The following RPTOR variants were observed in gnomAD, a reference collection of about 807,000 sequenced individuals.
RPTOR encodes regulatory-associated protein of mTOR.
Under a neutral mutation model 169.9 loss-of-function variants are expected in RPTOR, and 21 were observed. The ratio of observed to expected loss-of-function variants is 0.12; its 90% CI spans 0.09 to 0.18. RPTOR has a LOEUF of 0.18. Among genes scored for constraint, RPTOR ranks in the 10% least tolerant of loss-of-function variants. RPTOR has a pLI of 1.00. For synonymous variants in RPTOR, 732 were observed against 753.2 expected (o/e 0.97, Z 0.46); for missense variants, 1,133 against 1,855.9 (o/e 0.61, Z 7.16).
intron 24 of RPTOR, among the ~76,000 whole-genome samples, chr17:80,930,208 CCAGCTCATCCT>C (rs1567993366): frequency 9.3e-5 from 3 of 32,358 alleles, no homozygotes; most frequent in Admixed American, 3.0e-4. Context: ...CAGCTCATCC[CCAGCTCATCCT>C]CAGCTCATCC....
At chr17:80,654,339 C>T (rs1041888057) in intron 3 of RPTOR, among the ~76,000 whole-genome samples, 1 of 152,156 alleles carries the variant, frequency 6.6e-6, no homozygotes, top group African/African-American at 2.4e-5. Flanking sequence ...CAGGTGAGGG[C>T]TGCACGGGCT....
intron 1 of RPTOR, among the ~76,000 whole-genome samples, chr17:80,613,906 G>A (rs922237731): frequency 6.6e-6 from 1 of 152,244 alleles, no homozygotes; most frequent in African/African-American, 2.4e-5. Flanking sequence ...AGCGTCTATC[G>A]CAGCATCATC....
At chr17:80,755,169 G>T (rs2066667893) in intron 6 of RPTOR, among the ~76,000 whole-genome samples, 1 of 152,200 alleles carries the variant, frequency 6.6e-6, no homozygotes, top group Non-Finnish European at 1.5e-5. Flanking sequence ...CAGGGCTGGG[G>T]GTTCATGATG....
At chr17:80,759,679 GT>G (rs563849260) in intron 6 of RPTOR, among the ~76,000 whole-genome samples, 161 of 145,534 alleles carry the variant, frequency 1.1e-3, no homozygotes, top group African/African-American at 1.7e-3. Context: ...AACCACCAGG[GT>G]TTTTTTTTTT....
intron 6 of RPTOR, among the ~76,000 whole-genome samples, chr17:80,779,482 G>A (rs1008451668): frequency 2.6e-5 from 4 of 152,208 alleles, no homozygotes; most frequent in Admixed American, 1.3e-4. Flanking sequence ...CCGTGCCTAC[G>A]TGCACTGACG....
intron 1 of RPTOR, among the ~76,000 whole-genome samples, chr17:80,612,258 T>C (rs1008910940): frequency 6.6e-6 from 1 of 152,198 alleles, no homozygotes; most frequent in Non-Finnish European, 1.5e-5. Flanking sequence ...CCCTCCCACG[T>C]AGCTGGGACT....
chr17:80,634,380 G>C (rs1285974133), intron 2 of RPTOR, among the ~76,000 whole-genome samples: 20 of 140,966 alleles, frequency 1.4e-4, no homozygotes, highest in African/African-American at 5.2e-4. Context: ...CTGTGTGTGT[G>C]CATACTGTGT....
chr17:80,787,162 T>G (rs147437602), intron 6 of RPTOR, among the ~76,000 whole-genome samples: 4 of 152,368 alleles, frequency 2.6e-5, no homozygotes, highest in African/African-American at 9.6e-5. Context: ...GTGTATTCAT[T>G]AAGACCATTA....
chr17:80,681,662 G>GTTGAATTTCA (rs1567854330), intron 3 of RPTOR, among the ~76,000 whole-genome samples: 19 of 85,152 alleles, frequency 2.2e-4, no homozygotes, highest in African/African-American at 3.7e-4. Flanking sequence ...CCTTCATGAG[G>GTTGAATTTCA]TGTACGTCTC....
intron 23 of RPTOR, chr17:80,924,313 G>T (rs916194238): frequency 6.6e-6 from 1 of 152,268 alleles, no homozygotes; most frequent in Non-Finnish European, 1.5e-5. Flanking sequence ...GCTCAAGAAG[G>T]TGGTTCAGGG....
chr17:80,911,123 G>A (rs959716417), intron 21 of RPTOR, among the ~76,000 whole-genome samples: 13 of 152,174 alleles, frequency 8.5e-5, no homozygotes, highest in Non-Finnish European at 1.6e-4. Flanking sequence ...GAGCCACTGC[G>A]CCTGGCCTGT....
At chr17:80,575,211 C>T (rs879344155) in intron 1 of RPTOR, among the ~76,000 whole-genome samples, 3 of 151,866 alleles carry the variant, frequency 2.0e-5, no homozygotes, top group South Asian at 2.1e-4. Context: ...CCCTGTGTTA[C>T]CCAGGCTGGT....
chr17:80,713,999 C>T (rs987463183), intron 4 of RPTOR, among the ~76,000 whole-genome samples: 3 of 151,860 alleles, frequency 2.0e-5, no homozygotes, highest in Non-Finnish European at 2.9e-5. Flanking sequence ...AGTGCAGTGG[C>T]GTGATCTCGG....
intron 3 of RPTOR, among the ~76,000 whole-genome samples, chr17:80,703,735 C>G (rs1008540486): frequency 6.6e-6 from 1 of 152,234 alleles, no homozygotes; most frequent in South Asian, 2.1e-4. Flanking sequence ...GGCTGCACCT[C>G]TGCCCTGGGG....
In RPTOR at chr17:80,929,368, G is replaced by T. The variant is rs2068848214; in HGVS notation, c.2919+3888G>T. Among the ~76,000 whole-genome samples, 3 of 152,218 alleles carry T rather than the reference G, an allele frequency of 2.0e-5. No homozygotes were observed. The South Asian group carries it at 6.2e-4, about 31-fold the overall frequency. On this transcript the variant is annotated intron_variant, in intron 24 of 33. Coordinates refer to ENST00000306801, the MANE Select transcript of RPTOR (RefSeq NM_020761.3). The stretch of plus-strand genomic sequence containing the variant: ...TTCTAGAAGGTGGAGTTGGAGCCAG[G>T]CAAGGGGACTGTTCTTTTTTTCATC...
intron 1 of RPTOR, among the ~76,000 whole-genome samples, chr17:80,556,634 G>A (rs567716228): frequency 1.3e-5 from 2 of 152,274 alleles, no homozygotes; most frequent in South Asian, 4.1e-4. Context: ...TGAAGTGGAT[G>A]GGTTCCAGTG....
chr17:80,794,229 T>C (rs1171562689), intron 7 of RPTOR, among the ~76,000 whole-genome samples: 1 of 151,854 alleles, frequency 6.6e-6, no homozygotes, highest in African/African-American at 2.4e-5. Flanking sequence ...TATAAAGATA[T>C]CTCAAAACTC....
At position 80,960,269 on chromosome 17, in the gene RPTOR, G is replaced by A. The variant is rs550531731; in HGVS notation, c.3605+64G>A. On this transcript the variant is annotated intron_variant, in intron 30 of 33. Coordinates refer to ENST00000306801, the MANE Select transcript of RPTOR (RefSeq NM_020761.3). The surrounding 1 kb of genome is among the most constrained non-coding windows in gnomAD (Gnocchi z 4.8). ...AGGGTACCTTCCAGGTGGTAGGGCC[G>A]TGTCACTGCCATTTGGTTGGGTCCA... 69 of 1,592,844 alleles carry A rather than the reference G, an allele frequency of 4.3e-5. No individual in the cohort carries two copies. Among genetic ancestry groups the A allele is most frequent in the African/African-American group, 2.1e-4 (16 of 74,644 alleles).
intron 1 of RPTOR, among the ~76,000 whole-genome samples, chr17:80,611,727 C>T (rs1479680290): frequency 4.0e-5 from 6 of 151,162 alleles, no homozygotes; most frequent in Non-Finnish European, 8.8e-5. Context: ...GAAATTTCTT[C>T]AGCTGTTTCA....
Sources: gnomAD v4.1 joint callset for allele counts (sites outside exome capture counted in the v4.1 genomes callset) on GRCh38, gnomAD v4.1.1 for gene constraint, Gnocchi (gnomAD v3.1) non-coding constraint, MANE v1.5 for transcripts, NCBI Gene and HGNC (gene_info 2026-07-23, HGNC 2026-07-21) for gene names.